Variants in CAMKMT observed in about 807,000 individuals in gnomAD.
CAMKMT encodes the protein CaM KMT.
CAMKMT carries 53 observed loss-of-function variants against 48.0 expected under a neutral mutation model. The observed-to-expected ratio is 1.10, with a 90% confidence interval of 0.89 to 1.39. The LOEUF is 1.39. Among genes scored for constraint, CAMKMT ranks in the 40% most tolerant of loss-of-function variants. CAMKMT has a pLI of 0.00. For synonymous variants in CAMKMT, 165 were observed against 152.3 expected, an observed-to-expected ratio of 1.08 and a Z score of -0.61; for missense variants, 428 against 402.7, an observed-to-expected ratio of 1.06 and a Z score of -0.54.
At position 44,383,876 on chromosome 2, in the gene CAMKMT, T is replaced by G. The variant is rs374195640; in HGVS notation, c.312-6365T>G. Among the ~76,000 whole-genome samples, 20 of 152,346 alleles carry G rather than the reference T, an allele frequency of 1.3e-4. No individual in the cohort carries two copies. The East Asian group carries it at 2.3e-3, about 18-fold the overall frequency. On this transcript the variant is annotated intron_variant, in intron 2 of 10. Coordinates refer to ENST00000378494, the MANE Select transcript of CAMKMT (RefSeq NM_024766.5). Reference sequence around the variant, plus strand: ...ACAGTTTCTTTATCCACTCGTTGATTGATGGGCATTTGGGTTGGTTCCACG... The same window carrying G: ...ACAGTTTCTTTATCCACTCGTTGATGGATGGGCATTTGGGTTGGTTCCACG...
intron 1 of CAMKMT, among the ~76,000 whole-genome samples, chr2:44,368,529 G>A (rs1457237514): frequency 1.3e-5 from 2 of 152,100 alleles, no homozygotes; most frequent in Non-Finnish European, 2.9e-5. Context: ...TGTAGATCAC[G>A]TTGTCATACT....
At chr2:44,628,806 C>A (rs1032905030) in intron 3 of CAMKMT, among the ~76,000 whole-genome samples, 12 of 151,938 alleles carry the variant, frequency 7.9e-5, no homozygotes, top group Non-Finnish European at 1.6e-4. Context: ...TGTTTAATTG[C>A]CAAATATTTG....
At chr2:44,442,624 C>T (rs939967763) in intron 3 of CAMKMT, among the ~76,000 whole-genome samples, 2 of 152,192 alleles carry the variant, frequency 1.3e-5, no homozygotes, top group African/African-American at 4.8e-5. Context: ...CCTCTTAATT[C>T]TCTGACCGAC....
intron 3 of CAMKMT, among the ~76,000 whole-genome samples, chr2:44,607,433 A>G (rs1391126969): frequency 1.3e-5 from 2 of 152,214 alleles, no homozygotes; most frequent in South Asian, 2.1e-4. Context: ...ATTTAACTGA[A>G]CACTAAATTG....
intron 1 of CAMKMT, among the ~76,000 whole-genome samples, chr2:44,371,342 T>C (rs1052970163): frequency 1.3e-5 from 2 of 151,896 alleles, no homozygotes; most frequent in African/African-American, 4.8e-5. Flanking sequence ...TGGTCTGGAA[T>C]TCCTGGCCTC....
intron 3 of CAMKMT, among the ~76,000 whole-genome samples, chr2:44,468,146 T>G (rs368067380): frequency 1.1e-4 from 16 of 152,186 alleles, no homozygotes; most frequent in African/African-American, 3.9e-4. Context: ...AACTCAACAA[T>G]TCAACAGCAA....
At chr2:44,534,710 C>A (rs1446052014) in intron 3 of CAMKMT, among the ~76,000 whole-genome samples, 1 of 151,896 alleles carries the variant, frequency 6.6e-6, no homozygotes, top group Non-Finnish European at 1.5e-5. Context: ...TAACAAAATC[C>A]TCAGGATACA....
chr2:44,708,556 G>T (rs1224230901), intron 6 of CAMKMT, among the ~76,000 whole-genome samples: 1 of 151,920 alleles, frequency 6.6e-6, no homozygotes, highest in East Asian at 1.9e-4. Flanking sequence ...TCACAATCTT[G>T]GCCTTTCACA....
intron 3 of CAMKMT, among the ~76,000 whole-genome samples, chr2:44,415,430 C>T (rs973262841): frequency 1.3e-5 from 2 of 152,184 alleles, no homozygotes; most frequent in Admixed American, 1.3e-4. Flanking sequence ...GGTTACAAAT[C>T]AGTCTTGCCA....
chr2:44,577,749 C>T (rs576464805), intron 3 of CAMKMT, among the ~76,000 whole-genome samples: 1 of 151,930 alleles, frequency 6.6e-6, no homozygotes, highest in Admixed American at 6.5e-5. Context: ...ACGAGATCCT[C>T]CCTTTACTAG....
At chr2:44,760,681 T>C (rs1680582093) in intron 9 of CAMKMT, among the ~76,000 whole-genome samples, 1 of 151,102 alleles carries the variant, frequency 6.6e-6, no homozygotes, top group Non-Finnish European at 1.5e-5. Flanking sequence ...CTCTACTGTA[T>C]GGGTAACGGA....
intron 8 of CAMKMT, 54 bp downstream of exon 8, chr2:44,743,750 G>A (rs1416082358): frequency 1.4e-6 from 2 of 1,417,584 alleles, no homozygotes; most frequent in Admixed American, 1.7e-5. Context: ...CTTTGCTGGA[G>A]TAATTGGGCT....
chr2:44,588,258 GA>G (rs1261002262), intron 3 of CAMKMT, among the ~76,000 whole-genome samples: 11 of 49,164 alleles, frequency 2.2e-4, no homozygotes, highest in East Asian at 3.2e-4. Context: ...CCCCGTCTGG[GA>G]AGTGAGGAGC....
chr2:44,557,558 TCCTTCTTTCCTCCCTCCTTC>T (rs1261898596), intron 3 of CAMKMT, among the ~76,000 whole-genome samples: 1 of 152,210 alleles, frequency 6.6e-6, no homozygotes, highest in Non-Finnish European at 1.5e-5. Context: ...ACTTATTTCT[TCCTTCTTTCCTCCCTCCTTC>T]CCTTCTTTCC....
At chr2:44,363,154 G>A (rs1393406729) in intron 1 of CAMKMT, among the ~76,000 whole-genome samples, 1 of 152,120 alleles carries the variant, frequency 6.6e-6, no homozygotes, top group Admixed American at 6.5e-5. Flanking sequence ...TAGATCATCA[G>A]AGTTAATTAA....
chr2:44,492,784 C>G (rs1669570751), intron 3 of CAMKMT, among the ~76,000 whole-genome samples: 2 of 152,196 alleles, frequency 1.3e-5, no homozygotes, highest in South Asian at 4.1e-4. Flanking sequence ...AAGGCTTTCT[C>G]CTAAGGCATT....
intron 3 of CAMKMT, among the ~76,000 whole-genome samples, chr2:44,604,558 G>GTTTT (rs34125010): frequency 0.013 from 1,917 of 143,338 alleles, 33 homozygotes; most frequent in African/African-American, 0.045. Context: ...AGCCAATCTG[G>GTTTT]TTTTTTTTTT....
intron 3 of CAMKMT, among the ~76,000 whole-genome samples, chr2:44,407,829 A>T (rs1163404139): frequency 6.6e-6 from 1 of 152,066 alleles, no homozygotes; most frequent in East Asian, 1.9e-4. Context: ...TCTATACCTC[A>T]AGATGTCATT....
At chr2:44,656,960 C>G (rs1396115535) in intron 3 of CAMKMT, among the ~76,000 whole-genome samples, 1 of 152,198 alleles carries the variant, frequency 6.6e-6, no homozygotes, top group Non-Finnish European at 1.5e-5. Context: ...CAAGTGCTCT[C>G]AAGAAGCACC....
Sources: allele counts gnomAD v4.1 joint callset (sites outside exome capture counted in the v4.1 genomes callset), GRCh38; gene constraint gnomAD v4.1.1; transcripts MANE v1.5; gene names NCBI Gene and HGNC (gene_info 2026-07-23, HGNC 2026-07-21).